The following TMEM232 variants were observed in gnomAD, a reference collection of about 807,000 sequenced individuals.
The protein encoded by TMEM232 is transmembrane protein 232.
A neutral mutation model predicts 78.8 loss-of-function variants in TMEM232; 80 were observed. That is an observed-to-expected ratio of 1.01 (90% CI 0.85 to 1.22). TMEM232 has a LOEUF of 1.22. Ranked by LOEUF, TMEM232 falls within the 50% of genes most tolerant of loss-of-function variation. The pLI, the probability that TMEM232 is intolerant of heterozygous loss-of-function variation, is 0.00. For missense variants in TMEM232, 881 were observed against 742.2 expected (o/e 1.19, Z -2.17); for synonymous variants, 297 against 254.3 (o/e 1.17, Z -1.60).
chr5:110,599,908 T>G (rs1383719629), intron 10 of TMEM232, among the ~76,000 whole-genome samples: 2 of 152,136 alleles, frequency 1.3e-5, no homozygotes, highest in Non-Finnish European at 2.9e-5. Flanking sequence ...ATCGACCACA[T>G]AATTGGAAGT....
chr5:110,582,305 T>C (rs907733552), intron 10 of TMEM232, among the ~76,000 whole-genome samples: 1 of 151,930 alleles, frequency 6.6e-6, no homozygotes, highest in African/African-American at 2.4e-5. Context: ...ATGGTACATA[T>C]ACACCATGGC....
intron 1 of TMEM232, among the ~76,000 whole-genome samples, chr5:110,682,806 C>G (rs1287223025): frequency 1.3e-5 from 2 of 152,158 alleles, no homozygotes; most frequent in East Asian, 3.9e-4. Context: ...TTACCTGATC[C>G]CTCCATGGTA....
chr5:110,648,139 C>G (rs1329537253), intron 2 of TMEM232, among the ~76,000 whole-genome samples: 1 of 151,698 alleles, frequency 6.6e-6, no homozygotes, highest in Admixed American at 6.6e-5. Context: ...ATCCAAGTGG[C>G]CAATAAATAT....
intron 12 of TMEM232, among the ~76,000 whole-genome samples, chr5:110,511,276 A>C (rs1259595682): frequency 6.6e-6 from 1 of 152,078 alleles, no homozygotes; most frequent in African/African-American, 2.4e-5. Context: ...GGGGAACACC[A>C]CACACCAGGG....
chr5:110,690,180 A>T (rs1236269278), intron 1 of TMEM232, among the ~76,000 whole-genome samples: 3 of 152,254 alleles, frequency 2.0e-5, no homozygotes, highest in Admixed American at 6.5e-5. Context: ...GAAAGAAAGT[A>T]TCATCAGAGT....
At chr5:110,537,919 A>C (rs1350102195) in intron 11 of TMEM232, among the ~76,000 whole-genome samples, 7 of 152,226 alleles carry the variant, frequency 4.6e-5, no homozygotes, top group Non-Finnish European at 1.0e-4. Context: ...CTTGGAAAAA[A>C]AGATGAAATC....
intron 12 of TMEM232, among the ~76,000 whole-genome samples, chr5:110,472,999 T>C (rs756363665): frequency 2.7e-5 from 4 of 150,730 alleles, no homozygotes; most frequent in African/African-American, 4.9e-5. Context: ...AAATGCTATA[T>C]AATATTGGTC....
intron 1 of TMEM232, among the ~76,000 whole-genome samples, chr5:110,685,294 A>T (rs188440146): frequency 2.0e-5 from 3 of 152,270 alleles, no homozygotes; most frequent in Admixed American, 6.5e-5. Flanking sequence ...AACATTACAA[A>T]TGGGAAAAAT....
At chr5:110,501,238 C>G (rs1450153015) in intron 12 of TMEM232, among the ~76,000 whole-genome samples, 1 of 152,060 alleles carries the variant, frequency 6.6e-6, no homozygotes, top group Non-Finnish European at 1.5e-5. Flanking sequence ...AATACAAATG[C>G]TGAAGAAGCA....
intron 5 of TMEM232, among the ~76,000 whole-genome samples, chr5:110,636,801 TATC>T (rs1050821285): frequency 2.6e-4 from 40 of 152,196 alleles, no homozygotes; most frequent in Admixed American, 2.1e-3. Context: ...TTAAAGCACT[TATC>T]ATTGTGTAAG....
rs1247587008 is a variant in TMEM232 at position 110,564,201 on chromosome 5, A to AAT, written c.1455+4244_1455+4245dup. On this transcript the variant is annotated intron_variant, in intron 11 of 13. Coordinates refer to ENST00000455884, the MANE Select transcript of TMEM232 (RefSeq NM_001039763.4). ...GATAATTGCTCCTGTGAAAGCTAGA[A>AAT]ATAACCAGAAATTTTCAATGACAGA... Among the ~76,000 whole-genome samples, 4 of 152,118 alleles carry AAT rather than the reference A, an allele frequency of 2.6e-5. No individual in the cohort carries two copies. In the East Asian group the frequency reaches 7.7e-4, roughly 29 times the overall value.
chr5:110,625,561 T>A, intron 6 of TMEM232, 128 bp from the exon 7 acceptor site: 1 of 806,562 alleles, frequency 1.2e-6, no homozygotes, highest in Non-Finnish European at 1.8e-6. Flanking sequence ...GTTTCCTATT[T>A]AAGATTTATA....
intron 12 of TMEM232, among the ~76,000 whole-genome samples, chr5:110,523,354 T>C (rs1769839046): frequency 6.6e-6 from 1 of 152,156 alleles, no homozygotes; most frequent in Non-Finnish European, 1.5e-5. Context: ...TGACTCTTTC[T>C]TTGTTTTGAA....
chr5:110,699,180 G>A (rs1381974229), intron 1 of TMEM232, among the ~76,000 whole-genome samples: 2 of 152,068 alleles, frequency 1.3e-5, no homozygotes, highest in East Asian at 1.9e-4. Context: ...GCACTGCCTC[G>A]CATGAAGGTG....
intron 2 of TMEM232, among the ~76,000 whole-genome samples, chr5:110,655,263 C>T (rs1788875236): frequency 6.6e-6 from 1 of 151,474 alleles, no homozygotes; most frequent in African/African-American, 2.4e-5. Context: ...ACAGACACTT[C>T]TCAAAAGAAG....
chr5:110,514,763 GT>G (rs33914717), intron 12 of TMEM232, among the ~76,000 whole-genome samples: 22,352 of 152,004 alleles, frequency 0.15, 2,009 homozygotes, highest in African/African-American at 0.25. Flanking sequence ...ACAATATTAA[GT>G]TAAGAGGCCA....
intron 10 of TMEM232, among the ~76,000 whole-genome samples, chr5:110,597,364 G>A (rs1459728955): frequency 6.6e-6 from 1 of 152,056 alleles, no homozygotes; most frequent in Non-Finnish European, 1.5e-5. Context: ...AAATAAAAGA[G>A]GATACAAACA....
chr5:110,533,219 G>A (rs1473645816), intron 11 of TMEM232, among the ~76,000 whole-genome samples: 1 of 152,156 alleles, frequency 6.6e-6, no homozygotes, highest in Non-Finnish European at 1.5e-5. Context: ...TTCACAGACA[G>A]CCCCCATTAC....
Position 110,618,428 on chromosome 5 carries a change from C to G in TMEM232, c.902+1G>C. 1 of 1,550,410 alleles carries G rather than the reference C, an allele frequency of 6.4e-7. No homozygotes were observed. Among genetic ancestry groups the G allele is most frequent in the Non-Finnish European group, 8.7e-7 (1 of 1,146,550 alleles). ...CTTTGGATTTATAGGATCACTCTTACCAGCATTTCTTTTGAAGCTGTGTCT... is the reference window on the plus strand; with the variant it reads ...CTTTGGATTTATAGGATCACTCTTAGCAGCATTTCTTTTGAAGCTGTGTCT... On this transcript the variant is annotated splice_donor_variant, in intron 8 of 13. Coordinates refer to ENST00000455884, the MANE Select transcript of TMEM232 (RefSeq NM_001039763.4). LOFTEE classifies it high-confidence loss of function.
Sources: gnomAD v4.1 joint callset for allele counts (sites outside exome capture counted in the v4.1 genomes callset) on GRCh38, gnomAD v4.1.1 for gene constraint, MANE v1.5 for transcripts, NCBI Gene and HGNC (gene_info 2026-07-23, HGNC 2026-07-21) for gene names.